The following CCNL1 variants were observed in gnomAD, a reference collection of about 807,000 sequenced individuals.
CCNL1 encodes cyclin L1.
CCNL1 carries 13 observed loss-of-function variants against 60.6 expected under a neutral mutation model. The observed-to-expected ratio is 0.21, with a 90% CI of 0.14 to 0.34. The LOEUF (loss-of-function observed/expected upper bound fraction) is 0.34, where lower values mean the gene tolerates loss of function less well. CCNL1 is among the 10% of genes least tolerant of loss of function. The pLI is 1.00. For missense variants in CCNL1, 481 were observed against 664.3 expected (o/e 0.72, Z 3.03); for synonymous variants, 270 against 244.3 (o/e 1.10, Z -0.98).
In CCNL1 at chr3:157,158,975, T is replaced by C. The variant is rs1161002284; in HGVS notation, c.379A>G (p.Ile127Val). Reference sequence around the variant, plus strand: ...AGATTAATACAAGCCATAGCAACAATCTGAAAGAACCCATGAGCCACAAAA... The same window carrying C: ...AGATTAATACAAGCCATAGCAACAACCTGAAAGAACCCATGAGCCACAAAA... ...SKSFVKHSFEIVAMACINLAS... is the reference protein window; with the variant it reads ...SKSFVKHSFEVVAMACINLAS... Residue 127 changes from isoleucine to valine, a missense_variant and splice_region_variant, in exon 3 of 11, where the codon ATT (isoleucine) becomes GTT (valine). This residue lies in a region of CCNL1 where 130 missense variants were observed against 174.5 expected (regional missense o/e 0.75). Transcript: ENST00000295926. The C allele has an allele frequency of 1.2e-6, 2 of 1,602,020 alleles. No homozygotes were observed. Among genetic ancestry groups the C allele is most frequent in the Non-Finnish European group, 1.7e-6 (2 of 1,171,454 alleles).
rs1391315833 is a variant in CCNL1 at position 157,149,270 on chromosome 3, A to G, written c.1232+17T>C. ...AACTCCAAATAAGACTGCTTCCCTA[A>G]GAAAACATTTACTTACTGTCTTCTT... On this transcript the variant is annotated intron_variant, in intron 10 of 10. Transcript: ENST00000295926. The G allele has an allele frequency of 6.3e-7, 1 of 1,582,992 alleles. No homozygotes were observed. The highest frequency in any genetic ancestry group is 1.3e-5 in the African/African-American group (1 of 74,398).
At chr3:157,152,486 T>C (rs1328150065) in intron 4 of CCNL1, 1 of 1,195,868 alleles carries the variant, frequency 8.4e-7, no homozygotes, top group East Asian at 4.8e-5. Context: ...ATATTTTTCA[T>C]TGGCACTTTA....
At position 157,148,078 on chromosome 3, in the gene CCNL1, A is replaced by G; in HGVS notation, c.*163T>C. ...CATTTTAATGTGCAAAAAAATTAACATAGTTCTTTTCAAAAGAAACTGTCC... is the reference window on the plus strand; with the variant it reads ...CATTTTAATGTGCAAAAAAATTAACGTAGTTCTTTTCAAAAGAAACTGTCC... On this transcript the variant is annotated 3_prime_UTR_variant, in exon 11 of 11. Coordinates refer to ENST00000295926, the MANE Select transcript of CCNL1 (RefSeq NM_020307.4). The G allele has an allele frequency of 7.2e-7, 1 of 1,397,700 alleles. No individual in the cohort carries two copies. The highest frequency in any genetic ancestry group is 9.3e-7 in the Non-Finnish European group (1 of 1,079,686). 86.6% of individuals were successfully genotyped at this position (1,397,700 alleles called of 1,614,324 possible).
intron 3 of CCNL1, chr3:157,154,780 G>C (rs902346936): frequency 2.0e-5 from 3 of 152,098 alleles, no homozygotes; most frequent in African/African-American, 7.2e-5. Flanking sequence ...CACCTATGAG[G>C]AATGAGGCCA....
chr3:157,149,184 C>T, intron 10 of CCNL1, 103 bp downstream of exon 10: 1 of 944,312 alleles, frequency 1.1e-6, no homozygotes, highest in African/African-American at 1.6e-5. Flanking sequence ...AAGCCTAATT[C>T]TAACCTAACT....
Position 157,149,350 on chromosome 3 carries a change from C to T in CCNL1, c.1169G>A (p.Arg390Lys), listed in dbSNP as rs1429939942. Reference sequence around the variant, plus strand: ...TCTTGACCTCGATCGACTTGCACTTCTGCTATTTCTACTTCTCTTGCTGTC... The same window carrying T: ...TCTTGACCTCGATCGACTTGCACTTTTGCTATTTCTACTTCTCTTGCTGTC... ...RKDSKRSRNS[R>K]SASRSRSRTR... is the part of the protein sequence containing the mutation. The change falls in exon 10 of 11, where the codon AGA becomes AAA. Residue 390 changes from arginine to lysine, a missense_variant. By Grantham distance (26) the Arg-to-Lys change is conservative (BLOSUM62 2). Coordinates refer to ENST00000295926, the MANE Select transcript of CCNL1 (RefSeq NM_020307.4). 6.2e-7 allele frequency: 1 copy of T among 1,614,066 alleles called. No homozygotes were observed. Among genetic ancestry groups the T allele is most frequent in the Admixed American group, 1.7e-5 (1 of 60,030 alleles).
Position 157,159,486 on chromosome 3 carries a change from A to C in CCNL1, c.304-7T>G. 1.2e-6 allele frequency: 2 copies of C among 1,603,496 alleles called. No homozygotes were observed. Among genetic ancestry groups the C allele is most frequent in the Non-Finnish European group, 1.7e-6 (2 of 1,174,848 alleles). ...GCCCCGTTGCCATCGCCACCTGCAG[A>C]CAAGAGAGGAGAACGGAAGCGCAGG... On this transcript the variant is annotated splice_region_variant and splice_polypyrimidine_tract_variant and intron_variant, in intron 1 of 10. Transcript: ENST00000295926.
At chr3:157,150,875 T>C (rs557895926) in intron 5 of CCNL1, 1 of 984,540 alleles carries the variant, frequency 1.0e-6, no homozygotes, top group African/African-American at 1.7e-5. Flanking sequence ...AAACTTATAT[T>C]AAGAAAGCTA....
chr3:157,148,102 C>T lies in CCNL1; in HGVS notation c.*139G>A, dbSNP rs897780201. 7.0e-7 allele frequency: 1 copy of T among 1,419,864 alleles called. No individual in the cohort carries two copies. The allele number at this position is 1,419,864 out of a possible 1,614,324, so 88.0% of individuals were successfully genotyped here. A position where few individuals can be genotyped will look rare whatever the true frequency, so the allele number is the denominator to read the frequency against. ...CATAGTTCTTTTCAAAAGAAACTGT[C>T]CTCAGTGTTCTAGAGACCTAGAGGG... On this transcript the variant is annotated 3_prime_UTR_variant, in exon 11 of 11. Coordinates refer to ENST00000295926, the MANE Select transcript of CCNL1 (RefSeq NM_020307.4).
rs780594103 is a variant in CCNL1 at position 157,148,480 on chromosome 3, G to A, written c.1342C>T (p.Leu448Phe). ...TCATCTCTGGTATGCTTGGCCTTAA[G>A]GTGAGGAGAACCATGATTATGATGT... ...RRHHNHGSPH[L>F]KAKHTRDDLK... is the part of the protein sequence containing the mutation. Residue 448 changes from leucine (L) to phenylalanine (F), a missense_variant, in exon 11 of 11, where the codon CTT (leucine) becomes TTT (phenylalanine). Physicochemically the swap from Leu to Phe is conservative, Grantham distance 22. Coordinates refer to ENST00000295926, the MANE Select transcript of CCNL1 (RefSeq NM_020307.4). 2.0e-5 allele frequency: 32 copies of A among 1,614,010 alleles called. No homozygotes were observed. The highest frequency in any genetic ancestry group is 2.7e-5 in the Non-Finnish European group (32 of 1,180,040).
At chr3:157,152,933 A>C in intron 4 of CCNL1, 103 bp downstream of exon 4, 2 of 1,535,662 alleles carry the variant, frequency 1.3e-6, no homozygotes, top group Non-Finnish European at 1.7e-6. Flanking sequence ...ATGCTTTTTA[A>C]AACCAAGGTT....
intron 3 of CCNL1, chr3:157,158,540 G>A (rs1738802802): frequency 5.7e-6 from 1 of 173,996 alleles, no homozygotes; most frequent in Admixed American, 6.1e-5. Context: ...GAGGGGAGAG[G>A]AAAAATAACT....
rs1020677114 is a variant in CCNL1 at position 157,159,643 on chromosome 3, C to G, written c.303+149G>C. ...CCCTCCGCCTCCGCAGCCCCCCGCCCCGGCACGCCCCGGCCGCGGCTGGGC... is the reference window on the plus strand; with the variant it reads ...CCCTCCGCCTCCGCAGCCCCCCGCCGCGGCACGCCCCGGCCGCGGCTGGGC... On this transcript the variant is annotated intron_variant, in intron 1 of 10. Coordinates refer to ENST00000295926, the MANE Select transcript of CCNL1 (RefSeq NM_020307.4). 2.5e-5 allele frequency: 25 copies of G among 993,304 alleles called. No individual in the cohort carries two copies. In the African/African-American group the frequency reaches 4.0e-4, roughly 16 times the overall value. 61.5% of individuals were successfully genotyped at this position (993,304 alleles called of 1,614,324 possible).
At chr3:157,153,451 A>G in intron 3 of CCNL1, 1 of 237,900 alleles carries the variant, frequency 4.2e-6, no homozygotes. Flanking sequence ...CTAGGTGTGT[A>G]TATATATGTA....
At chr3:157,159,052 G>A in intron 2 of CCNL1, 77 bp from the exon 3 acceptor site, 1 of 952,426 alleles carries the variant, frequency 1.0e-6, no homozygotes, top group Non-Finnish European at 1.6e-6. Flanking sequence ...AACACAATTG[G>A]GACAACCTTT....
intron 2 of CCNL1, 77 bp downstream of exon 2, chr3:157,159,328 G>C (rs906495278): frequency 3.0e-6 from 4 of 1,353,748 alleles, no homozygotes; most frequent in Non-Finnish European, 3.1e-6. Flanking sequence ...TTCTGGAAAA[G>C]CTGGCTGCTG....
At chr3:157,152,690 A>G (rs899481145) in intron 4 of CCNL1, 7 of 1,116,432 alleles carry the variant, frequency 6.3e-6, no homozygotes, top group Admixed American at 4.9e-5. Context: ...TACTATGATG[A>G]TAAGTGTGCC....
intron 5 of CCNL1, chr3:157,151,185 A>C (rs1044670267): frequency 1.0e-6 from 1 of 984,890 alleles, no homozygotes; most frequent in African/African-American, 1.7e-5. Context: ...TATAAAAATA[A>C]TGAGACTTTT....
rs146971876 is a variant in CCNL1 at position 157,148,304 on chromosome 3, C to T, written c.1518G>A (p.Glu506=). The change falls in exon 11 of 11, where the codon GAG becomes GAA. Residue 506 remains glutamate (E), a synonymous_variant. Coordinates refer to ENST00000295926, the MANE Select transcript of CCNL1 (RefSeq NM_020307.4). ...CATGGTGCTTGCTTTTATGGGACCT[C>T]TCAAAGGAGCGAGATCGTTCACGCC... The part of the protein sequence containing the change: ...RDRRERSRSF[E]RSHKSKHHGG... 7.4e-6 allele frequency: 12 copies of T among 1,614,096 alleles called. No individual in the cohort carries two copies. The highest frequency in any genetic ancestry group is 9.3e-6 in the Non-Finnish European group (11 of 1,180,054).
Sources: gnomAD v4.1 joint callset for allele counts on GRCh38, gnomAD v4.1.1 for gene constraint, gnomAD v4.1.1 regional missense constraint, MANE v1.5 for transcripts, NCBI Gene and HGNC (gene_info 2026-07-23, HGNC 2026-07-21) for gene names.